Variants in BPIFB4 observed in about 807,000 individuals in gnomAD.
BPIFB4 encodes the protein BPI fold containing family B member 4.
A neutral mutation model predicts 69.2 loss-of-function variants in BPIFB4; 62 were observed. That is an observed-to-expected ratio of 0.90 (90% CI 0.73 to 1.11). The LOEUF (loss-of-function observed/expected upper bound fraction) is 1.11, where lower values mean the gene tolerates loss of function less well. Ranked by LOEUF, BPIFB4 falls within the 50% of genes least tolerant of loss-of-function variation. The pLI is 0.00. For missense variants in BPIFB4, 789 were observed against 792.0 expected, an observed-to-expected ratio of 1.00 and a Z score of 0.04; for synonymous variants, 330 against 332.7, an observed-to-expected ratio of 0.99 and a Z score of 0.09.
At position 33,111,602 on chromosome 20, in the gene BPIFB4, T is replaced by A; in HGVS notation, c.*165T>A. On this transcript the variant is annotated 3_prime_UTR_variant, in exon 18 of 18. Transcript: ENST00000375483. The stretch of plus-strand genomic sequence containing the variant: ...CCCTTGCCCCAACCCTGAGAAAGGG[T>A]CCAGCCACTACCCTGTTGGCAAACA... 1.3e-6 allele frequency: 1 copy of A among 784,950 alleles called. No individual in the cohort carries two copies. The highest frequency in any genetic ancestry group is 2.1e-6 in the Non-Finnish European group (1 of 486,264). The allele number at this position is 784,950 out of a possible 1,614,324, so 48.6% of individuals were successfully genotyped here. A position where few individuals can be genotyped will look rare whatever the true frequency, so the allele number is the denominator to read the frequency against.
At chr20:33,093,466 T>C (rs1245757331) in intron 11 of BPIFB4, among the ~76,000 whole-genome samples, 1 of 148,064 alleles carries the variant, frequency 6.8e-6, no homozygotes, top group Non-Finnish European at 1.5e-5. Flanking sequence ...CATCCATCTG[T>C]TTATCTATCC....
rs144187986 is a variant in BPIFB4 at position 33,103,516 on chromosome 20, C to T, written c.1680+502C>T. Reference sequence around the variant, plus strand: ...GTGGAATTCTGCTTTTCCAAGGGTCCAGAAATCTGAGATGCTCACATTCTA... The same window carrying T: ...GTGGAATTCTGCTTTTCCAAGGGTCTAGAAATCTGAGATGCTCACATTCTA... On this transcript the variant is annotated intron_variant, in intron 15 of 17. Transcript: ENST00000375483. 5.2e-4 allele frequency among the ~76,000 whole-genome samples: 79 copies of T among 152,316 alleles called. No homozygotes were observed. The East Asian group carries it at 0.014, about 27-fold the overall frequency.
At position 33,086,175 on chromosome 20, in the gene BPIFB4, G is replaced by C. The variant is rs777431886; in HGVS notation, c.926+11G>C. 5.6e-6 allele frequency: 9 copies of C among 1,600,680 alleles called. No homozygotes were observed. Among genetic ancestry groups the C allele is most frequent in the Non-Finnish European group, 7.7e-6 (9 of 1,168,820 alleles). The stretch of plus-strand genomic sequence containing the variant: ...CAAGCTGCTGCGAGGGTGAGTGCTA[G>C]CCGGCAGTGGAGTGCCTTGGGGGTT... On this transcript the variant is annotated intron_variant, in intron 7 of 17. Coordinates refer to ENST00000375483, the MANE Select transcript of BPIFB4 (RefSeq NM_182519.3).
chr20:33,107,136 G>A (rs1242999331), intron 16 of BPIFB4, among the ~76,000 whole-genome samples: 1 of 151,896 alleles, frequency 6.6e-6, no homozygotes, highest in Non-Finnish European at 1.5e-5. Flanking sequence ...CCCAGGAGGT[G>A]GATGTTGCAG....
intron 15 of BPIFB4, among the ~76,000 whole-genome samples, chr20:33,104,196 A>G (rs149797555): frequency 3.8e-4 from 58 of 152,290 alleles, no homozygotes; most frequent in African/African-American, 1.2e-3. Context: ...TAACCACCCT[A>G]TGAGGCAAGG....
intron 7 of BPIFB4, 92 bp downstream of exon 7, chr20:33,086,256 T>G (rs1197016129): frequency 6.7e-7 from 1 of 1,481,496 alleles, no homozygotes; most frequent in Non-Finnish European, 9.3e-7. Context: ...GCCCATAGGC[T>G]CTGGGGTGGG....
At chr20:33,101,699 C>T (rs749104794) in intron 14 of BPIFB4, among the ~76,000 whole-genome samples, 3 of 152,174 alleles carry the variant, frequency 2.0e-5, no homozygotes, top group Non-Finnish European at 2.9e-5. Flanking sequence ...GCATGCACCA[C>T]CACGCCAGAC....
At chr20:33,089,707 G>A (rs1452483025) in intron 9 of BPIFB4, 149 bp downstream of exon 9, 4 of 1,438,134 alleles carry the variant, frequency 2.8e-6, no homozygotes, top group Non-Finnish European at 3.7e-6. Flanking sequence ...GTGCCACCTG[G>A]CTTTCCCTCT....
chr20:33,085,283 C>A (rs939475311), intron 6 of BPIFB4, among the ~76,000 whole-genome samples: 3 of 152,004 alleles, frequency 2.0e-5, no homozygotes, highest in Admixed American at 2.0e-4. Context: ...GGTGAAACCC[C>A]GTCTCTACTA....
intron 11 of BPIFB4, among the ~76,000 whole-genome samples, chr20:33,093,585 C>T (rs573789733): frequency 1.0e-5 from 1 of 97,142 alleles, no homozygotes; most frequent in African/African-American, 3.5e-5. Context: ...CAGCCATCCA[C>T]CTATCCACTC....
chr20:33,102,572 A>G (rs941946218), intron 14 of BPIFB4, among the ~76,000 whole-genome samples: 2 of 152,218 alleles, frequency 1.3e-5, no homozygotes, highest in Non-Finnish European at 2.9e-5. Context: ...GGAGGGCTGG[A>G]AGGATTACAC....
chr20:33,084,550 G>A (rs942882527), intron 5 of BPIFB4, among the ~76,000 whole-genome samples: 5 of 152,162 alleles, frequency 3.3e-5, no homozygotes, highest in Non-Finnish European at 7.4e-5. Context: ...GAATGTATAG[G>A]AGGGAATTAA....
intron 11 of BPIFB4, 41 bp downstream of exon 11, chr20:33,092,699 G>A (rs1439695926): frequency 2.6e-6 from 4 of 1,552,960 alleles, no homozygotes; most frequent in Non-Finnish European, 3.5e-6. Flanking sequence ...CTGGGCAGCA[G>A]ACAGCTGCCA....
At chr20:33,104,628 TG>T in intron 15 of BPIFB4, 181 bp from the exon 16 acceptor site, 2 of 571,108 alleles carry the variant, frequency 3.5e-6, no homozygotes, top group Non-Finnish European at 3.1e-6. Context: ...TGCAAGTTGA[TG>T]GGGGGCACCT....
chr20:33,091,585 G>A (rs1981601566), intron 10 of BPIFB4, among the ~76,000 whole-genome samples: 1 of 152,240 alleles, frequency 6.6e-6, no homozygotes, highest in South Asian at 2.1e-4. Flanking sequence ...CCCTGCGCAT[G>A]CATATATATT....
chr20:33,097,898 T>C, intron 13 of BPIFB4, 111 bp downstream of exon 13: 7 of 1,203,102 alleles, frequency 5.8e-6, no homozygotes, highest in Non-Finnish European at 6.9e-6. Context: ...CCATCATGAC[T>C]ATGGGCCCAA....
intron 15 of BPIFB4, 26 bp from the exon 16 acceptor site, chr20:33,104,784 G>A: frequency 6.2e-7 from 1 of 1,612,464 alleles, no homozygotes; most frequent in Non-Finnish European, 8.5e-7. Flanking sequence ...CCCTGCCCAG[G>A]CTCTGTCCTC....
At chr20:33,109,593 A>T (rs1982178906) in intron 17 of BPIFB4, among the ~76,000 whole-genome samples, 1 of 152,102 alleles carries the variant, frequency 6.6e-6, no homozygotes, top group South Asian at 2.1e-4. Context: ...GGCCTTTTTG[A>T]AATTGGTGGA....
chr20:33,103,545 T>C (rs1981962359), intron 15 of BPIFB4, among the ~76,000 whole-genome samples: 1 of 152,220 alleles, frequency 6.6e-6, no homozygotes, highest in African/African-American at 2.4e-5. Context: ...CATTCTAGCG[T>C]TGGGTCCTGT....
Sources: gnomAD v4.1 joint callset for allele counts (sites outside exome capture counted in the v4.1 genomes callset) on GRCh38, gnomAD v4.1.1 for gene constraint, MANE v1.5 for transcripts, NCBI Gene and HGNC (gene_info 2026-07-23, HGNC 2026-07-21) for gene names.